Variants in FILIP1L observed in about 807,000 individuals in gnomAD.
FILIP1L encodes filamin A-interacting protein 1-like.
FILIP1L carries 55 observed loss-of-function variants against 96.6 expected under a neutral mutation model. The ratio of observed to expected loss-of-function variants is 0.57; its 90% CI spans 0.46 to 0.71. The LOEUF (loss-of-function observed/expected upper bound fraction) is 0.71. Ranked by LOEUF, FILIP1L falls within the 30% of genes least tolerant of loss-of-function variation. FILIP1L has a pLI of 0.00. For missense variants in FILIP1L, 1,304 were observed against 1,321.2 expected (o/e 0.99, Z 0.20); for synonymous variants, 467 against 473.9 (o/e 0.99, Z 0.19).
intron 4 of FILIP1L, among the ~76,000 whole-genome samples, chr3:99,895,863 T>C (rs1706233763): frequency 6.6e-6 from 1 of 152,218 alleles, no homozygotes; most frequent in African/African-American, 2.4e-5. Flanking sequence ...CTAGCAGTGA[T>C]TGCTAGAAAA....
At chr3:99,927,660 C>T (rs967740133) in intron 3 of FILIP1L, among the ~76,000 whole-genome samples, 2 of 152,190 alleles carry the variant, frequency 1.3e-5, no homozygotes, top group African/African-American at 4.8e-5. Context: ...TGAGCCACTG[C>T]GCCCGGCCCA....
chr3:99,917,427 A>G (rs1209131881), intron 4 of FILIP1L, among the ~76,000 whole-genome samples: 1 of 152,218 alleles, frequency 6.6e-6, no homozygotes, highest in East Asian at 1.9e-4. Flanking sequence ...GATATTCTCT[A>G]GAATATCATC....
At chr3:99,886,580 C>T (rs140683583) in intron 4 of FILIP1L, among the ~76,000 whole-genome samples, 303 of 151,934 alleles carry the variant, frequency 2.0e-3, no homozygotes, top group African/African-American at 6.9e-3. Flanking sequence ...GTAGATAGAA[C>T]AAACAAATGA....
chr3:100,067,665 A>G lies in FILIP1L; in HGVS notation c.-11+46388T>C, dbSNP rs868307137. Among the ~76,000 whole-genome samples the G allele has an allele frequency of 1.8e-4, 28 of 152,220 alleles. 1 individual carries two copies. The highest frequency in any genetic ancestry group is 3.3e-4 in the Admixed American group (5 of 15,278). ...TCTAGATGATTCAATTTTCAGTAGTATACTGGTTTGATAATAAACTGATTA... is the reference window on the plus strand; with the variant it reads ...TCTAGATGATTCAATTTTCAGTAGTGTACTGGTTTGATAATAAACTGATTA... On this transcript the variant is annotated intron_variant, in intron 1 of 5. Transcript: ENST00000477258.
chr3:99,987,528 CAAAAA>C (rs1209242716), intron 1 of FILIP1L, among the ~76,000 whole-genome samples: 1 of 57,162 alleles, frequency 1.7e-5, no homozygotes. Flanking sequence ...GATTCTGTCT[CAAAAA>C]AAAAAAAAAA....
chr3:99,941,426 A>G (rs1707847493), intron 1 of FILIP1L, among the ~76,000 whole-genome samples: 1 of 152,266 alleles, frequency 6.6e-6, no homozygotes, highest in Non-Finnish European at 1.5e-5. Flanking sequence ...CTCAGAGATA[A>G]GCTTTATCTT....
chr3:100,067,239 G>A (rs2065681966), intron 1 of FILIP1L, among the ~76,000 whole-genome samples: 1 of 152,112 alleles, frequency 6.6e-6, no homozygotes, highest in Admixed American at 6.6e-5. Flanking sequence ...ACAAAAGTAA[G>A]GTATCCCTAC....
chr3:100,110,646 C>T (rs1276504972), intron 1 of FILIP1L, among the ~76,000 whole-genome samples: 3 of 152,138 alleles, frequency 2.0e-5, no homozygotes, highest in African/African-American at 7.2e-5. Flanking sequence ...AGCTATGTGG[C>T]TTAACTCTCA....
intron 4 of FILIP1L, among the ~76,000 whole-genome samples, chr3:99,869,380 T>C (rs529332812): frequency 3.3e-5 from 5 of 152,362 alleles, no homozygotes; most frequent in Non-Finnish European, 7.3e-5. Flanking sequence ...CTCTCACTTT[T>C]ATTTGAAAGC....
chr3:100,077,024 G>A (rs114075591), intron 1 of FILIP1L, among the ~76,000 whole-genome samples: 1,983 of 152,292 alleles, frequency 0.013, 36 homozygotes, highest in African/African-American at 0.045. Context: ...GAGGGCTTTC[G>A]GAACAAGGCT....
intron 4 of FILIP1L, among the ~76,000 whole-genome samples, chr3:99,894,143 A>G (rs570349217): frequency 6.6e-6 from 1 of 152,360 alleles, no homozygotes; most frequent in African/African-American, 2.4e-5. Context: ...GCTTTAAGAC[A>G]ATTACAGCTA....
chr3:99,955,540 T>C (rs1051027862), intron 1 of FILIP1L, among the ~76,000 whole-genome samples: 49 of 152,296 alleles, frequency 3.2e-4, no homozygotes, highest in African/African-American at 1.2e-3. Flanking sequence ...TTCCCAGCAA[T>C]GCTTGAGAAC....
At chr3:99,908,357 T>C (rs1305701978) in intron 4 of FILIP1L, among the ~76,000 whole-genome samples, 1 of 152,256 alleles carries the variant, frequency 6.6e-6, no homozygotes, top group Middle Eastern at 3.2e-3. Flanking sequence ...TTCACTCGTG[T>C]TCTCTTGGCA....
intron 1 of FILIP1L, among the ~76,000 whole-genome samples, chr3:100,089,533 A>T (rs1255010539): frequency 6.6e-6 from 1 of 152,216 alleles, no homozygotes; most frequent in Non-Finnish European, 1.5e-5. Context: ...TCAAAGCCTC[A>T]TGTCAAGCAA....
chr3:100,063,672 T>A (rs991912898), intron 1 of FILIP1L, among the ~76,000 whole-genome samples: 7 of 152,222 alleles, frequency 4.6e-5, no homozygotes, highest in African/African-American at 1.7e-4. Flanking sequence ...TAAATACCAC[T>A]TTTTAACTGG....
chr3:99,947,935 A>C (rs1397020911), intron 1 of FILIP1L, among the ~76,000 whole-genome samples: 1 of 152,250 alleles, frequency 6.6e-6, no homozygotes, highest in Admixed American at 6.5e-5. Flanking sequence ...AGATTACCTC[A>C]TCATATAGAC....
intron 1 of FILIP1L, among the ~76,000 whole-genome samples, chr3:99,968,121 C>G (rs1351567742): frequency 6.6e-6 from 1 of 152,114 alleles, no homozygotes; most frequent in East Asian, 1.9e-4. Flanking sequence ...ATCAAGGGCA[C>G]CTAGCCTTAC....
intron 1 of FILIP1L, among the ~76,000 whole-genome samples, chr3:100,085,590 T>G (rs1352132221): frequency 6.6e-6 from 1 of 152,184 alleles, no homozygotes; most frequent in East Asian, 1.9e-4. Flanking sequence ...CATCTCAGCA[T>G]AGCTCTAAGA....
intron 1 of FILIP1L, among the ~76,000 whole-genome samples, chr3:100,022,082 T>C (rs1051349348): frequency 2.0e-5 from 3 of 152,088 alleles, no homozygotes; most frequent in Non-Finnish European, 4.4e-5. Context: ...ACACACATTA[T>C]AAAATTTACA....
Sources: gnomAD v4.1 joint callset for allele counts (sites outside exome capture counted in the v4.1 genomes callset) on GRCh38, gnomAD v4.1.1 for gene constraint, MANE v1.5 for transcripts, NCBI Gene and HGNC (gene_info 2026-07-23, HGNC 2026-07-21) for gene names.